SRBD1: variants seen among roughly 807,000 people sequenced by gnomAD.
SRBD1 encodes the protein S1 RNA-binding domain-containing protein 1.
Under a neutral mutation model 115.3 loss-of-function variants are expected in SRBD1, and 88 were observed. The observed-to-expected ratio is 0.76, with a 90% CI of 0.64 to 0.91. The LOEUF (loss-of-function observed/expected upper bound fraction) is 0.91, where lower values mean the gene tolerates loss of function less well. Ranked by LOEUF, SRBD1 falls within the 40% of genes least tolerant of loss-of-function variation. SRBD1 has a pLI of 0.00. For synonymous variants in SRBD1, 509 were observed against 407.7 expected (o/e 1.25, Z -2.99); for missense variants, 1,385 against 1,177.4 (o/e 1.18, Z -2.58).
chr2:45,455,048 C>T (rs908981471), intron 16 of SRBD1, among the ~76,000 whole-genome samples: 3 of 151,738 alleles, frequency 2.0e-5, no homozygotes, highest in Non-Finnish European at 4.4e-5. Context: ...CTTGTGTACA[C>T]CCACCACACA....
intron 16 of SRBD1, among the ~76,000 whole-genome samples, chr2:45,420,605 A>G (rs1431244797): frequency 6.6e-6 from 1 of 152,246 alleles, no homozygotes; most frequent in African/African-American, 2.4e-5. Context: ...ATAAGAAAAT[A>G]TAAGCAATCT....
rs549462688 is a variant in SRBD1, at chr2:45,579,937, C to T, written c.1010G>A (p.Arg337Lys). The T allele has an allele frequency of 1.2e-5, 20 of 1,609,894 alleles. No homozygotes were observed. In the South Asian group the frequency reaches 2.2e-4, roughly 18 times the overall value. Residue 337 changes from arginine to lysine, a missense_variant, in exon 7 of 21, where the codon AGG (arginine) becomes AAG (lysine). Arg to Lys is a conservative substitution (Grantham distance 26). Coordinates refer to ENST00000263736, the MANE Select transcript of SRBD1 (RefSeq NM_018079.5). ...ARQLGLEGAA[R>K]ALLEKPGELS... The stretch of plus-strand genomic sequence containing the variant: ...CTCCCCTGGTTTCTCAAGCAGTGCC[C>T]TGGCTGCTCCTTCTAAGCCCAACTG...
chr2:45,424,783 A>C (rs751626983), intron 16 of SRBD1, among the ~76,000 whole-genome samples: 2 of 152,196 alleles, frequency 1.3e-5, no homozygotes, highest in African/African-American at 4.8e-5. Flanking sequence ...TAAGCTAATC[A>C]TGGTGGTCCC....
chr2:45,548,896 T>G (rs2104042550), intron 12 of SRBD1: 1 of 152,360 alleles, frequency 6.6e-6, no homozygotes, highest in South Asian at 2.1e-4. Flanking sequence ...ACAAGACACC[T>G]ATGCATCAGC....
intron 14 of SRBD1, among the ~76,000 whole-genome samples, chr2:45,511,170 T>C (rs1670956751): frequency 6.6e-6 from 1 of 152,222 alleles, no homozygotes; most frequent in African/African-American, 2.4e-5. Context: ...CCACCAATCA[T>C]TTAACGTTTT....
Position 45,464,833 on chromosome 2 carries a change from AT to A in SRBD1, c.2049+12159del, listed in dbSNP as rs1433185768. On this transcript the variant is annotated intron_variant, in intron 16 of 20. Coordinates refer to ENST00000263736, the MANE Select transcript of SRBD1 (RefSeq NM_018079.5). ...AAGCTCTAAAAATGTATACAAAAGT[AT>A]AAAAAGTAAGTTGTATGCCAAATAC... Among the ~76,000 whole-genome samples, 18 of 152,346 alleles carry A rather than the reference AT, an allele frequency of 1.2e-4. 1 individual carries two copies. In the East Asian group the frequency reaches 3.1e-3, roughly 26 times the overall value.
At chr2:45,523,598 G>C (rs1671353626) in intron 14 of SRBD1, among the ~76,000 whole-genome samples, 4 of 151,554 alleles carry the variant, frequency 2.6e-5, no homozygotes. Flanking sequence ...AGATGCAACT[G>C]ACAAATTACT....
intron 16 of SRBD1, among the ~76,000 whole-genome samples, chr2:45,475,644 TTGAA>T (rs991256365): frequency 6.6e-6 from 1 of 152,218 alleles, no homozygotes; most frequent in African/African-American, 2.4e-5. Context: ...TAACTTTATC[TTGAA>T]TGAATATAAT....
rs3755067 is a variant in SRBD1, at chr2:45,397,026, C to T, written c.2514-3897G>A. ...CTCTCAACACTTTCAAGAGACTTTC[C>T]TACTTGTCTATTTTTACCCATTAGC... On this transcript the variant is annotated intron_variant, in intron 19 of 20. Transcript: ENST00000263736. Among the ~76,000 whole-genome samples the T allele has an allele frequency of 9.9e-5, 15 of 152,186 alleles. No homozygotes were observed. The East Asian group carries it at 2.7e-3, about 27-fold the overall frequency.
chr2:45,433,363 A>G (rs1200372079), intron 16 of SRBD1, among the ~76,000 whole-genome samples: 1 of 152,228 alleles, frequency 6.6e-6, no homozygotes, highest in African/African-American at 2.4e-5. Context: ...GTGCACCTCA[A>G]AACGTCATGC....
intron 17 of SRBD1, 60 bp downstream of exon 17, chr2:45,419,728 T>C (rs947956703): frequency 1.3e-6 from 2 of 1,486,882 alleles, no homozygotes; most frequent in Admixed American, 1.7e-5. Context: ...TAGCCGAGTT[T>C]GGACTGGACA....
At chr2:45,481,386 G>C (rs1669959129) in intron 15 of SRBD1, among the ~76,000 whole-genome samples, 2 of 152,064 alleles carry the variant, frequency 1.3e-5, no homozygotes, top group South Asian at 2.1e-4. Flanking sequence ...GTAAGAGGGA[G>C]GTAGCTCAGG....
At chr2:45,400,013 T>C (rs1265682512) in intron 19 of SRBD1, among the ~76,000 whole-genome samples, 2 of 152,134 alleles carry the variant, frequency 1.3e-5, no homozygotes, top group Non-Finnish European at 2.9e-5. Flanking sequence ...GTATCAGAGG[T>C]AGAGGACTCT....
intron 14 of SRBD1, among the ~76,000 whole-genome samples, chr2:45,538,675 G>C (rs1453951574): frequency 6.6e-6 from 1 of 152,212 alleles, no homozygotes; most frequent in Non-Finnish European, 1.5e-5. Context: ...TGAATAAAGA[G>C]AGGAGGTAGT....
At chr2:45,389,733 C>A in intron 20 of SRBD1, 134 bp from the exon 21 acceptor site, 3 of 873,156 alleles carry the variant, frequency 3.4e-6, no homozygotes, top group Non-Finnish European at 5.1e-6. Flanking sequence ...ATAAAAGGAG[C>A]TGCAGACCAA....
At chr2:45,467,589 C>T (rs1669528901) in intron 16 of SRBD1, among the ~76,000 whole-genome samples, 1 of 151,980 alleles carries the variant, frequency 6.6e-6, no homozygotes, top group South Asian at 2.1e-4. Context: ...TATTTAATTC[C>T]TAAAATTCAC....
chr2:45,472,103 A>C (rs922994171), intron 16 of SRBD1, among the ~76,000 whole-genome samples: 1 of 152,108 alleles, frequency 6.6e-6, no homozygotes, highest in Non-Finnish European at 1.5e-5. Context: ...GAATGAACAA[A>C]ATATCTCACA....
chr2:45,400,713 T>A (rs1329881124), intron 19 of SRBD1, among the ~76,000 whole-genome samples: 1 of 152,068 alleles, frequency 6.6e-6, no homozygotes, highest in Non-Finnish European at 1.5e-5. Flanking sequence ...AACACTAGCT[T>A]ACTCTGTCCA....
intron 4 of SRBD1, among the ~76,000 whole-genome samples, chr2:45,588,810 G>A (rs1280291054): frequency 2.6e-5 from 4 of 152,194 alleles, no homozygotes; most frequent in Non-Finnish European, 5.9e-5. Flanking sequence ...TTATGAGGAT[G>A]GTGGTGCTAA....
Sources: allele counts gnomAD v4.1 joint callset (sites outside exome capture counted in the v4.1 genomes callset), GRCh38; gene constraint gnomAD v4.1.1; transcripts MANE v1.5; gene names NCBI Gene and HGNC (gene_info 2026-07-23, HGNC 2026-07-21).